Variants in SDC3 observed in about 807,000 individuals in gnomAD.
SDC3 encodes syndecan-3.
SDC3 carries 13 observed loss-of-function variants against 24.4 expected under a neutral mutation model. The ratio of observed to expected loss-of-function variants is 0.53; its 90% confidence interval spans 0.35 to 0.85. SDC3 has a LOEUF of 0.85. SDC3 is among the 40% of genes least tolerant of loss of function. The probability of loss-of-function intolerance (pLI) is 0.01; values close to 1 mark genes in which losing one functional copy is unlikely to be tolerated. For synonymous variants in SDC3, 295 were observed against 260.9 expected (o/e 1.13, Z -1.26); for missense variants, 571 against 584.5 (o/e 0.98, Z 0.24).
intron 1 of SDC3, among the ~76,000 whole-genome samples, chr1:30,893,264 C>T (rs1000366556): frequency 1.4e-5 from 2 of 146,196 alleles, no homozygotes. Flanking sequence ...GACAGTCTCA[C>T]CACTGTGCCA....
chr1:30,896,997 G>C (rs1638277125), intron 1 of SDC3, among the ~76,000 whole-genome samples: 1 of 152,166 alleles, frequency 6.6e-6, no homozygotes, highest in Non-Finnish European at 1.5e-5. Context: ...GAAGGCAAAG[G>C]GATGAGGCTG....
chr1:30,878,753 G>A lies in SDC3; in HGVS notation c.139-13C>T, dbSNP rs760680041. ...GCCAGCGCTGGGCCTAGGGAAGGTAGAGGTGGACACAGGGCTCGGCACCCG... is the reference window on the plus strand; with the variant it reads ...GCCAGCGCTGGGCCTAGGGAAGGTAAAGGTGGACACAGGGCTCGGCACCCG... On this transcript the variant is annotated splice_polypyrimidine_tract_variant and intron_variant, in intron 1 of 4. Coordinates refer to ENST00000339394, the MANE Select transcript of SDC3 (RefSeq NM_014654.4). 7.4e-6 allele frequency: 12 copies of A among 1,611,998 alleles called. No homozygotes were observed. The highest frequency in any genetic ancestry group is 1.0e-5 in the Non-Finnish European group (12 of 1,178,102).
At chr1:30,876,411 T>G (rs1639637831) in intron 3 of SDC3, 141 bp downstream of exon 3, 1 of 628,978 alleles carries the variant, frequency 1.6e-6, no homozygotes, top group Non-Finnish European at 2.5e-6. Flanking sequence ...CTCTGTCCCT[T>G]GGTCCTGCCC....
intron 1 of SDC3, among the ~76,000 whole-genome samples, chr1:30,893,258 G>A (rs1044034364): frequency 2.0e-4 from 24 of 119,760 alleles, no homozygotes; most frequent in African/African-American, 7.2e-4. Context: ...GACAAAGACA[G>A]TCTCACCACT....
At position 30,874,313 on chromosome 1, in the gene SDC3, C is replaced by T. The variant is rs200844628; in HGVS notation, c.1146G>A (p.Arg382=). The change falls in exon 4 of 5, where the codon CGG becomes CGA. Residue 382 remains arginine (R), a synonymous_variant. Coordinates refer to ENST00000339394, the MANE Select transcript of SDC3 (RefSeq NM_014654.4). The part of the protein sequence containing the change: ...AQLPQKSILE[R]KEVLVAVIVG... ...AAGCCTCACCTACGAGCACCTCCTTCCGCTCCAGGATACTCTTCTGAGGCA... is the reference window on the plus strand; with the variant it reads ...AAGCCTCACCTACGAGCACCTCCTTTCGCTCCAGGATACTCTTCTGAGGCA... 119 of 1,609,484 alleles carry T rather than the reference C, an allele frequency of 7.4e-5. No individual in the cohort carries two copies. Among genetic ancestry groups the T allele is most frequent in the Non-Finnish European group, 1.5e-5 (18 of 1,177,762 alleles).
intron 1 of SDC3, among the ~76,000 whole-genome samples, chr1:30,884,164 C>T (rs1466629002): frequency 2.6e-5 from 4 of 152,082 alleles, no homozygotes; most frequent in South Asian, 2.1e-4. Flanking sequence ...ATGAGGGGCA[C>T]GAGGACTGCA....
chr1:30,888,013 T>G (rs906565115), intron 1 of SDC3, among the ~76,000 whole-genome samples: 2 of 152,232 alleles, frequency 1.3e-5, no homozygotes, highest in Non-Finnish European at 2.9e-5. Context: ...CACAAAATGT[T>G]TATGTAAATT....
chr1:30,906,192 C>A (rs1024398125), intron 1 of SDC3, among the ~76,000 whole-genome samples: 1 of 152,196 alleles, frequency 6.6e-6, no homozygotes, highest in Non-Finnish European at 1.5e-5. Flanking sequence ...AACCCTTTTC[C>A]TCCCAAGTCA....
chr1:30,882,674 A>G (rs1639763717), intron 1 of SDC3, among the ~76,000 whole-genome samples: 2 of 152,164 alleles, frequency 1.3e-5, no homozygotes, highest in African/African-American at 4.8e-5. Context: ...CTCTGAGTGC[A>G]GGGGACACGT....
At chr1:30,897,028 T>C (rs1638277502) in intron 1 of SDC3, among the ~76,000 whole-genome samples, 1 of 152,170 alleles carries the variant, frequency 6.6e-6, no homozygotes, top group South Asian at 2.1e-4. Context: ...TTGAAGGCAC[T>C]GACGGGAATT....
rs753607812 is a variant in SDC3 at position 30,874,322 on chromosome 1, G to A, written c.1137C>T (p.Ile379=). ...SSAAQLPQKS[I]LERKEVLVAV... is the part of the protein sequence containing the mutation. ...CTACGAGCACCTCCTTCCGCTCCAG[G>A]ATACTCTTCTGAGGCAGCTGAGCAG... Residue 379 remains isoleucine (I), a synonymous_variant, in exon 4 of 5, where the codon ATC becomes ATT. Coordinates refer to ENST00000339394, the MANE Select transcript of SDC3 (RefSeq NM_014654.4). 6.2e-7 allele frequency: 1 copy of A among 1,612,110 alleles called. No individual in the cohort carries two copies. Among genetic ancestry groups the A allele is most frequent in the Non-Finnish European group, 8.5e-7 (1 of 1,179,392 alleles).
Position 30,876,724 on chromosome 1 carries a change from G to A in SDC3, c.698C>T (p.Pro233Leu). ...RATTPEAPSP[P>L]TTAAVLDTEA... ...GGTGTCCAAGACAGCCGCCGTGGTG[G>A]GCGGGGAGGGCGCCTCGGGGGTAGT... Residue 233 changes from proline to leucine, a missense_variant, in exon 3 of 5, where the codon CCC becomes CTC. Around this residue, in one of 2 missense-constraint regions of SDC3, gnomAD observed 497 missense variants for 471.6 expected, o/e 1.05. Transcript: ENST00000339394. 1.3e-6 allele frequency: 2 copies of A among 1,592,862 alleles called. No homozygotes were observed. Among genetic ancestry groups the A allele is most frequent in the Non-Finnish European group, 1.7e-6 (2 of 1,169,028 alleles).
intron 1 of SDC3, among the ~76,000 whole-genome samples, chr1:30,905,919 A>G (rs1287403228): frequency 6.7e-6 from 1 of 149,264 alleles, no homozygotes; most frequent in Non-Finnish European, 1.5e-5. Flanking sequence ...AGTGTGAATG[A>G]GGCCTGCTCT....
intron 3 of SDC3, among the ~76,000 whole-genome samples, chr1:30,875,854 G>A (rs1639628309): frequency 1.3e-5 from 2 of 152,210 alleles, no homozygotes; most frequent in East Asian, 1.9e-4. Context: ...TTGCTCGTCT[G>A]TAAAATGAGA....
At chr1:30,875,512 C>T (rs1379513487) in intron 3 of SDC3, among the ~76,000 whole-genome samples, 6 of 152,196 alleles carry the variant, frequency 3.9e-5, no homozygotes, top group Admixed American at 2.0e-4. Context: ...GGCAGCGCCA[C>T]GGCCCAAGGG....
intron 1 of SDC3, among the ~76,000 whole-genome samples, chr1:30,903,221 C>A (rs1285544924): frequency 6.6e-6 from 1 of 152,270 alleles, no homozygotes; most frequent in South Asian, 2.1e-4. Context: ...CCTCCACACA[C>A]TTTCTAAGGG....
upstream of SDC3, among the ~76,000 whole-genome samples, chr1:30,909,641 A>C (rs1234790715): frequency 6.6e-6 from 1 of 152,142 alleles, no homozygotes; most frequent in South Asian, 2.1e-4. Context: ...ATGGCGTGTT[A>C]GCTCCAGCGG....
chr1:30,908,470 C>CAGA lies in SDC3; in HGVS notation c.116_117insTCT (p.Leu40dup). On this transcript the variant is annotated inframe_insertion, in exon 1 of 5. Transcript: ENST00000339394. ...TCACCCCCGCGGCGCGCCCCGCCAGCAGCAGCAGCAGCAGCGGTGGCAGGA... is the reference window on the plus strand; with the variant it reads ...TCACCCCCGCGGCGCGCCCCGCCAGCAGAAGCAGCAGCAGCAGCGGTGGCAGGA... The CAGA allele has an allele frequency of 9.7e-7, 1 of 1,027,722 alleles. No individual in the cohort carries two copies. Among genetic ancestry groups the CAGA allele is most frequent in the South Asian group, 3.2e-5 (1 of 31,086 alleles). The allele number at this position is 1,027,722 out of a possible 1,614,324, so 63.7% of individuals were successfully genotyped here.
chr1:30,881,979 C>T (rs1356401722), intron 1 of SDC3, among the ~76,000 whole-genome samples: 1 of 152,166 alleles, frequency 6.6e-6, no homozygotes, highest in Admixed American at 6.5e-5. Flanking sequence ...CCATGCCCAC[C>T]CAACATCCAC....
Sources: allele counts gnomAD v4.1 joint callset (sites outside exome capture counted in the v4.1 genomes callset), GRCh38; gene constraint gnomAD v4.1.1; regional missense constraint gnomAD v4.1.1; transcripts MANE v1.5; gene names NCBI Gene and HGNC (gene_info 2026-07-23, HGNC 2026-07-21).